The following DDX47 variants were observed in gnomAD, a reference collection of about 807,000 sequenced individuals.
The protein encoded by DDX47 is DEAD-box helicase 47.
In DDX47, 60 loss-of-function variants were observed where a neutral mutation model predicts 58.8. The ratio of observed to expected loss-of-function variants is 1.02; its 90% CI spans 0.83 to 1.26. The LOEUF is 1.26. Among genes scored for constraint, DDX47 ranks in the 50% most tolerant of loss-of-function variants. The pLI is 0.00. For missense variants in DDX47, 530 were observed against 573.2 expected, an observed-to-expected ratio of 0.92 and a Z score of 0.77; for synonymous variants, 197 against 204.6, an observed-to-expected ratio of 0.96 and a Z score of 0.32.
intron 2 of DDX47, 177 bp downstream of exon 2, chr12:12,814,401 C>G: frequency 1.8e-6 from 1 of 553,482 alleles, no homozygotes; most frequent in Non-Finnish European, 3.3e-6. Context: ...TACTTTCTGT[C>G]TTAATAGCTG....
intron 2 of DDX47, 90 bp from the exon 3 acceptor site, chr12:12,821,118 G>A (rs1023640699): frequency 7.5e-5 from 98 of 1,303,194 alleles, no homozygotes; most frequent in Middle Eastern, 1.9e-4. Flanking sequence ...TTTATTAAGC[G>A]TCTACTTTGT....
rs140726030 is a variant in DDX47 at position 12,829,774 on chromosome 12, G to A, written c.*220G>A. Reference sequence around the variant, plus strand: ...TACTGTTCTTCGACTTTGATTCCTTGCTCATGACATGAGTAGGGTGTGCTC... The same window carrying A: ...TACTGTTCTTCGACTTTGATTCCTTACTCATGACATGAGTAGGGTGTGCTC... On this transcript the variant is annotated 3_prime_UTR_variant, in exon 12 of 12. Coordinates refer to ENST00000358007, the MANE Select transcript of DDX47 (RefSeq NM_016355.4). 6.7e-5 allele frequency: 30 copies of A among 446,280 alleles called. No individual in the cohort carries two copies. The highest frequency in any genetic ancestry group is 3.6e-4 in the African/African-American group (18 of 49,570). The allele number at this position is 446,280 out of a possible 1,614,324, so 27.6% of individuals were successfully genotyped here. A position where few individuals can be genotyped will look rare whatever the true frequency, so the allele number is the denominator to read the frequency against.
intron 11 of DDX47, among the ~76,000 whole-genome samples, chr12:12,828,445 C>G (rs947144949): frequency 3.9e-5 from 6 of 151,968 alleles, no homozygotes; most frequent in Non-Finnish European, 2.9e-5. Flanking sequence ...ATCTGAAGTC[C>G]GAAACACTGC....
rs1863001850 is a variant in DDX47, at chr12:12,823,354, C to T, written c.750+35C>T. The stretch of plus-strand genomic sequence containing the variant: ...TTACTTTGATCATTCCTGCCTCTCC[C>T]TCTTCTTTTCACCAAAGCATCTGAA... On this transcript the variant is annotated intron_variant, in intron 7 of 11. Coordinates refer to ENST00000358007, the MANE Select transcript of DDX47 (RefSeq NM_016355.4). 8.1e-6 allele frequency: 10 copies of T among 1,229,828 alleles called. No homozygotes were observed. In the East Asian group the frequency reaches 2.3e-4, roughly 28 times the overall value. 76.2% of individuals were successfully genotyped at this position (1,229,828 alleles called of 1,614,324 possible). A position where few individuals can be genotyped will look rare whatever the true frequency, so the allele number is the denominator to read the frequency against.
chr12:12,818,382 G>T (rs920956248), intron 2 of DDX47, among the ~76,000 whole-genome samples: 2 of 152,078 alleles, frequency 1.3e-5, no homozygotes, highest in Non-Finnish European at 1.5e-5. Context: ...TTAGCAGGGC[G>T]TGGTGACGGG....
chr12:12,825,372 G>A (rs914363458), intron 9 of DDX47, among the ~76,000 whole-genome samples: 4 of 152,134 alleles, frequency 2.6e-5, no homozygotes, highest in African/African-American at 9.7e-5. Context: ...TGAGTTGAAG[G>A]ATTCCTAGTA....
intron 6 of DDX47, among the ~76,000 whole-genome samples, chr12:12,822,973 G>A (rs1416638815): frequency 2.0e-5 from 3 of 152,164 alleles, no homozygotes; most frequent in Non-Finnish European, 4.4e-5. Context: ...GGCAGGAGGT[G>A]GGGGCAGTGC....
rs368841789 is a variant in DDX47 at position 12,823,970 on chromosome 12, G to A, written c.851G>A (p.Arg284Gln). The stretch of plus-strand genomic sequence containing the variant: ...ACCCAGAGAACAGCTTTGCTACTGC[G>A]AAATCTTGGCTTCACTGCCATCCCC... The part of the protein sequence containing the change: ...NNTQRTALLL[R>Q]NLGFTAIPLH... Residue 284 changes from arginine (R) to glutamine (Q), a missense_variant, in exon 8 of 12, where the codon CGA becomes CAA. Physicochemically the swap from Arg to Gln is conservative, Grantham distance 43 (BLOSUM62 1). Transcript: ENST00000358007. 5.6e-6 allele frequency: 9 copies of A among 1,613,970 alleles called. No homozygotes were observed. Among genetic ancestry groups the A allele is most frequent in the African/African-American group, 4.0e-5 (3 of 74,912 alleles).
At chr12:12,814,828 T>C (rs11055086) in intron 2 of DDX47, among the ~76,000 whole-genome samples, 55,002 of 151,834 alleles carry the variant, frequency 0.36, 10,063 homozygotes, top group Middle Eastern at 0.37. Context: ...TACAGGCGCA[T>C]CACCATGTCC....
intron 9 of DDX47, chr12:12,825,205 G>C (rs1193824312): frequency 6.5e-6 from 1 of 152,974 alleles, no homozygotes; most frequent in East Asian, 1.9e-4. Context: ...CTGACCTCGT[G>C]ATCTGCCCAC....
intron 2 of DDX47, chr12:12,814,480 C>T (rs987827739): frequency 1.3e-5 from 5 of 389,674 alleles, no homozygotes; most frequent in East Asian, 5.7e-5. Context: ...AGTATATTAA[C>T]GACAATCTTG....
rs74063824 is a variant in DDX47 at position 12,814,119 on chromosome 12, C to G, written c.88-12C>G. ...CTGTTCTTGGCTAAGGTATATTTTT[C>G]TGAATTCCAAGGGTGTGACAGATGT... On this transcript the variant is annotated splice_polypyrimidine_tract_variant and intron_variant, in intron 1 of 11. Transcript: ENST00000358007. The G allele has an allele frequency of 0.014, 21,703 of 1,600,682 alleles. 528 individuals carry two copies. Among genetic ancestry groups the G allele is most frequent in the African/African-American group, 0.11 (8,083 of 74,678 alleles).
intron 10 of DDX47, 24 bp downstream of exon 10, chr12:12,826,094 G>A (rs372726848): frequency 1.3e-5 from 20 of 1,598,142 alleles, no homozygotes; most frequent in Admixed American, 3.4e-5. Context: ...CTTTAGGGCC[G>A]AGCAATGTAG....
At position 12,823,333 on chromosome 12, in the gene DDX47, T is replaced by C; in HGVS notation, c.750+14T>C. 3.5e-6 allele frequency: 5 copies of C among 1,410,718 alleles called. No homozygotes were observed. Among genetic ancestry groups the C allele is most frequent in the Non-Finnish European group, 5.0e-6 (5 of 995,024 alleles). 87.4% of individuals were successfully genotyped at this position (1,410,718 alleles called of 1,614,324 possible). Reference sequence around the variant, plus strand: ...TCTAAATTCAAGGTAAAATGTTTACTTTGATCATTCCTGCCTCTCCCTCTT... The same window carrying C: ...TCTAAATTCAAGGTAAAATGTTTACCTTGATCATTCCTGCCTCTCCCTCTT... On this transcript the variant is annotated intron_variant, in intron 7 of 11. Transcript: ENST00000358007.
chr12:12,827,978 C>T (rs1347812453), intron 11 of DDX47, among the ~76,000 whole-genome samples: 4 of 145,074 alleles, frequency 2.8e-5, no homozygotes, highest in South Asian at 2.2e-4. Flanking sequence ...CGGGTTCAAG[C>T]GATTCTCCTG....
chr12:12,818,260 G>A (rs543881480), intron 2 of DDX47, among the ~76,000 whole-genome samples: 1 of 152,268 alleles, frequency 6.6e-6, no homozygotes, highest in South Asian at 2.1e-4. Context: ...GGTGGCTCAC[G>A]CCTGTAATCC....
At chr12:12,815,868 A>G (rs574947694) in intron 2 of DDX47, among the ~76,000 whole-genome samples, 9 of 152,304 alleles carry the variant, frequency 5.9e-5, no homozygotes, top group African/African-American at 1.9e-4. Context: ...TACTCTTGGA[A>G]GATTAATCTC....
At chr12:12,817,760 A>G (rs958533786) in intron 2 of DDX47, among the ~76,000 whole-genome samples, 4 of 152,196 alleles carry the variant, frequency 2.6e-5, no homozygotes, top group Non-Finnish European at 5.9e-5. Flanking sequence ...TCAGAGATGA[A>G]GAAAGGAGAT....
intron 1 of DDX47, 187 bp downstream of exon 1, chr12:12,813,641 G>A: frequency 1.6e-6 from 1 of 617,768 alleles, no homozygotes; most frequent in Non-Finnish European, 2.8e-6. Context: ...GGGCTGCTGG[G>A]CCCTGAGACC....
Sources: allele counts gnomAD v4.1 joint callset (sites outside exome capture counted in the v4.1 genomes callset), GRCh38; gene constraint gnomAD v4.1.1; transcripts MANE v1.5; gene names NCBI Gene and HGNC (gene_info 2026-07-23, HGNC 2026-07-21).